The following AFG2A variants were observed in gnomAD, a reference collection of about 807,000 sequenced individuals.
The protein encoded by AFG2A is ATPase family gene 2 protein homolog A.
the AFG2A span, among the ~76,000 whole-genome samples, chr4:123,084,121 C>A: frequency 6.6e-6 from 1 of 151,870 alleles, no homozygotes. Context: ...TTAAAATTAT[C>A]CTTTTAATAT....
At chr4:123,019,708 T>C in the AFG2A span, among the ~76,000 whole-genome samples, 2 of 152,238 alleles carry the variant, frequency 1.3e-5, no homozygotes, top group Non-Finnish European at 1.5e-5. Flanking sequence ...ATATTTTATA[T>C]ATTTAGAGAC....
chr4:123,261,616 C>G, the AFG2A span, among the ~76,000 whole-genome samples: 1 of 152,068 alleles, frequency 6.6e-6, no homozygotes, highest in South Asian at 2.1e-4. Flanking sequence ...GAACCAATTG[C>G]CCTTGGATAC....
At chr4:123,239,798 CATA>C in the AFG2A span, among the ~76,000 whole-genome samples, 12 of 152,298 alleles carry the variant, frequency 7.9e-5, no homozygotes, top group Admixed American at 7.8e-4. Context: ...CATCTAACAT[CATA>C]ATGACAGGAT....
At chr4:123,026,061 A>G in the AFG2A span, among the ~76,000 whole-genome samples, 2 of 151,832 alleles carry the variant, frequency 1.3e-5, no homozygotes, top group Non-Finnish European at 2.9e-5. Flanking sequence ...AAGGATTCTC[A>G]GGGCCCTGTG....
At chr4:123,160,985 A>G in the AFG2A span, among the ~76,000 whole-genome samples, 6 of 152,194 alleles carry the variant, frequency 3.9e-5, no homozygotes, top group African/African-American at 9.7e-5. Flanking sequence ...TTATTGTACT[A>G]TACTCACCGA....
chr4:122,956,813 G>A, the AFG2A span, among the ~76,000 whole-genome samples: 1 of 152,166 alleles, frequency 6.6e-6, no homozygotes, highest in Non-Finnish European at 1.5e-5. Flanking sequence ...CCAAATACTA[G>A]TGTATGTTGT....
chr4:123,054,666 C>T, the AFG2A span, among the ~76,000 whole-genome samples: 514 of 151,704 alleles, frequency 3.4e-3, 3 homozygotes, highest in Middle Eastern at 0.014. Flanking sequence ...TGCAGTGAGC[C>T]GAGATAGCGC....
At chr4:123,211,924 A>G in the AFG2A span, among the ~76,000 whole-genome samples, 6 of 152,152 alleles carry the variant, frequency 3.9e-5, no homozygotes, top group Admixed American at 6.5e-5. Context: ...ACAGGATTGG[A>G]TATATCTTTC....
the AFG2A span, among the ~76,000 whole-genome samples, chr4:123,116,407 T>TA: frequency 1.1e-4 from 16 of 152,320 alleles, no homozygotes; most frequent in East Asian, 3.1e-3. Flanking sequence ...TTTTACACTT[T>TA]ATTCTTCTCA....
chr4:123,071,463 A>G, the AFG2A span, among the ~76,000 whole-genome samples: 3 of 147,442 alleles, frequency 2.0e-5, no homozygotes. Flanking sequence ...CTGGACAACA[A>G]GAGCGAAACT....
At chr4:123,025,109 T>C in the AFG2A span, among the ~76,000 whole-genome samples, 1 of 152,224 alleles carries the variant, frequency 6.6e-6, no homozygotes, top group Non-Finnish European at 1.5e-5. Flanking sequence ...TCTACTGTTT[T>C]CCAGAATCCG....
At chr4:123,168,657 G>A in the AFG2A span, among the ~76,000 whole-genome samples, 1 of 152,140 alleles carries the variant, frequency 6.6e-6, no homozygotes, top group Non-Finnish European at 1.5e-5. Flanking sequence ...AGATATATTA[G>A]TATAGAAGTC....
At chr4:123,246,481 C>T in the AFG2A span, among the ~76,000 whole-genome samples, 1 of 152,142 alleles carries the variant, frequency 6.6e-6, no homozygotes, top group Non-Finnish European at 1.5e-5. Flanking sequence ...GGACCAAACT[C>T]CTTGGCATTA....
chr4:123,203,611 T>G, the AFG2A span, among the ~76,000 whole-genome samples: 2 of 152,246 alleles, frequency 1.3e-5, no homozygotes, highest in Non-Finnish European at 2.9e-5. Flanking sequence ...GTAGTTACAC[T>G]GCTTTATGGA....
chr4:123,126,417 C>G, the AFG2A span, among the ~76,000 whole-genome samples: 1 of 152,106 alleles, frequency 6.6e-6, no homozygotes, highest in Non-Finnish European at 1.5e-5. Flanking sequence ...TCTAATAGTT[C>G]ATGTGTTCCA....
At chr4:123,221,691 G>A in the AFG2A span, among the ~76,000 whole-genome samples, 1 of 152,024 alleles carries the variant, frequency 6.6e-6, no homozygotes, top group Non-Finnish European at 1.5e-5. Context: ...TTGGGAGACC[G>A]AGGTGAGCAG....
the AFG2A span, among the ~76,000 whole-genome samples, chr4:123,054,044 C>G: frequency 6.6e-6 from 1 of 152,170 alleles, no homozygotes; most frequent in African/African-American, 2.4e-5. Context: ...CTACTGAGAC[C>G]AGTTATCAGT....
chr4:123,307,715 T>G, the AFG2A span, among the ~76,000 whole-genome samples: 2 of 152,242 alleles, frequency 1.3e-5, no homozygotes, highest in Non-Finnish European at 2.9e-5. Flanking sequence ...TAATAACATT[T>G]CAGTCAACAA....
At chr4:123,184,347 T>C in the AFG2A span, among the ~76,000 whole-genome samples, 1 of 152,122 alleles carries the variant, frequency 6.6e-6, no homozygotes. Flanking sequence ...GACTTTTATG[T>C]TTGTACATAT....
Sources: gnomAD v4.1 joint callset for allele counts (sites outside exome capture counted in the v4.1 genomes callset) on GRCh38, gnomAD v4.1.1 for gene constraint, MANE v1.5 for transcripts, NCBI Gene and HGNC (gene_info 2026-07-23, HGNC 2026-07-21) for gene names.